KIAA0319L: variants seen among roughly 807,000 people sequenced by gnomAD.
The protein encoded by KIAA0319L is dyslexia-associated protein KIAA0319-like protein.
KIAA0319L carries 55 observed loss-of-function variants against 120.1 expected under a neutral mutation model. That is an observed-to-expected ratio of 0.46 (90% CI 0.37 to 0.57). The LOEUF is 0.57. KIAA0319L is among the 20% of genes least tolerant of loss of function. The pLI, the probability that KIAA0319L is intolerant of heterozygous loss-of-function variation, is 0.00. For synonymous variants in KIAA0319L, 398 were observed against 471.9 expected, an observed-to-expected ratio of 0.84 and a Z score of 2.03; for missense variants, 1,049 against 1,255.3, an observed-to-expected ratio of 0.84 and a Z score of 2.48.
At chr1:35,486,315 T>C (rs1284750614) in intron 3 of KIAA0319L, among the ~76,000 whole-genome samples, 4 of 135,586 alleles carry the variant, frequency 3.0e-5, no homozygotes, top group Non-Finnish European at 6.0e-5. Flanking sequence ...GCCAGGGAAG[T>C]CAAGGCTGCA....
At chr1:35,510,422 C>T (rs2148411949) in intron 2 of KIAA0319L, 1 of 148,466 alleles carries the variant, frequency 6.7e-6, no homozygotes, top group Non-Finnish European at 1.5e-5. Flanking sequence ...TCTGTCACTG[C>T]AGAGCAAGGC....
chr1:35,504,670 G>A (rs577052401), intron 3 of KIAA0319L, among the ~76,000 whole-genome samples: 1 of 152,226 alleles, frequency 6.6e-6, no homozygotes, highest in Non-Finnish European at 1.5e-5. Context: ...CTGCACAAAG[G>A]GTTGACATTC....
At chr1:35,538,462 G>A (rs564250914) in intron 2 of KIAA0319L, among the ~76,000 whole-genome samples, 6 of 151,872 alleles carry the variant, frequency 4.0e-5, no homozygotes, top group South Asian at 4.2e-4. Context: ...ATGGTGGCAC[G>A]TACCTATAGT....
intron 3 of KIAA0319L, among the ~76,000 whole-genome samples, chr1:35,489,863 C>T (rs1644528205): frequency 6.6e-6 from 1 of 151,912 alleles, no homozygotes; most frequent in East Asian, 1.9e-4. Flanking sequence ...GAAAGGGTTT[C>T]ACCATGTTGG....
chr1:35,496,409 G>A (rs1339204899), intron 3 of KIAA0319L, among the ~76,000 whole-genome samples: 2 of 152,112 alleles, frequency 1.3e-5, no homozygotes, highest in Non-Finnish European at 2.9e-5. Flanking sequence ...GACACAGTGA[G>A]ACTCCGTCTC....
At chr1:35,513,267 CATATAT>C (rs1189085625) in intron 2 of KIAA0319L, among the ~76,000 whole-genome samples, 25 of 107,446 alleles carry the variant, frequency 2.3e-4, no homozygotes, top group South Asian at 9.4e-4. Flanking sequence ...ATCTATATAA[CATATAT>C]ATATATATAT....
intron 2 of KIAA0319L, among the ~76,000 whole-genome samples, chr1:35,537,615 TAA>T (rs58080321): frequency 4.7e-4 from 48 of 102,916 alleles, no homozygotes; most frequent in Admixed American, 3.2e-3. Flanking sequence ...TAAGCGCCAT[TAA>T]AAAAAAAAAA....
intron 2 of KIAA0319L, among the ~76,000 whole-genome samples, chr1:35,544,789 A>C (rs911729368): frequency 2.0e-5 from 3 of 152,218 alleles, no homozygotes; most frequent in African/African-American, 7.2e-5. Context: ...TATCAGACTC[A>C]CCGTCCTGCC....
At chr1:35,446,108 C>T (rs974378631) in intron 16 of KIAA0319L, among the ~76,000 whole-genome samples, 1 of 152,140 alleles carries the variant, frequency 6.6e-6, no homozygotes, top group African/African-American at 2.4e-5. Flanking sequence ...ATTCTAGGTA[C>T]CCAGACCCCA....
In KIAA0319L at chr1:35,472,594, C is replaced by T. The variant is rs528618518; in HGVS notation, c.1016-1634G>A. On this transcript the variant is annotated intron_variant, in intron 5 of 20. Transcript: ENST00000325722. ...ACAGGCATGAGCCACCACGCCCAGCCGGACAGTGGTTTTGAAAATGGACCT... is the reference window on the plus strand; with the variant it reads ...ACAGGCATGAGCCACCACGCCCAGCTGGACAGTGGTTTTGAAAATGGACCT... 3.6e-3 allele frequency among the ~76,000 whole-genome samples: 540 copies of T among 151,950 alleles called. 1 individual carries two copies. The highest frequency in any genetic ancestry group is 5.6e-3 in the Non-Finnish European group (379 of 67,962).
intron 3 of KIAA0319L, among the ~76,000 whole-genome samples, chr1:35,489,223 C>CAA (rs200338514): frequency 6.7e-6 from 1 of 149,600 alleles, no homozygotes; most frequent in African/African-American, 2.5e-5. Context: ...AAAACAAAAA[C>CAA]AAAAAAAAAC....
chr1:35,441,327 A>G (rs182024688), intron 19 of KIAA0319L, among the ~76,000 whole-genome samples, 189 bp from the exon 20 acceptor site: 59 of 152,244 alleles, frequency 3.9e-4, no homozygotes, highest in Non-Finnish European at 7.2e-4. Flanking sequence ...GCAATTCTGG[A>G]GAAGGGCAAG....
At chr1:35,485,109 T>C (rs1221905529) in intron 3 of KIAA0319L, among the ~76,000 whole-genome samples, 1 of 151,972 alleles carries the variant, frequency 6.6e-6, no homozygotes, top group Non-Finnish European at 1.5e-5. Context: ...GGGTTACACC[T>C]TCCTGATTTT....
chr1:35,547,098 A>T (rs1408718722), intron 2 of KIAA0319L, among the ~76,000 whole-genome samples: 2 of 145,476 alleles, frequency 1.4e-5, no homozygotes, highest in African/African-American at 5.0e-5. Context: ...ATATATTATT[A>T]CATATATTAT....
At chr1:35,511,190 C>T (rs1645428368) in intron 2 of KIAA0319L, 1 of 154,310 alleles carries the variant, frequency 6.5e-6, no homozygotes. Flanking sequence ...GAAATAAACC[C>T]TATCAGGGCA....
chr1:35,500,979 T>C (rs1251207494), intron 3 of KIAA0319L, among the ~76,000 whole-genome samples: 4 of 152,092 alleles, frequency 2.6e-5, no homozygotes, highest in Non-Finnish European at 5.9e-5. Flanking sequence ...TCTCAATATG[T>C]AATGCCAAGC....
Position 35,453,748 on chromosome 1 carries a change from C to A in KIAA0319L, c.1781-59G>T. The A allele has an allele frequency of 6.5e-7, 1 of 1,534,640 alleles. No homozygotes were observed. Among genetic ancestry groups the A allele is most frequent in the Non-Finnish European group, 8.9e-7 (1 of 1,129,564 alleles). On this transcript the variant is annotated intron_variant, in intron 11 of 20. Coordinates refer to ENST00000325722, the MANE Select transcript of KIAA0319L (RefSeq NM_024874.5). This position sits in a 1 kb window ranked among gnomAD's most constrained non-coding sequence, Gnocchi z 4.1. ...CAGTCCAGGTGGGAAAGGAGAGGAACCAATTGGGACACATGTTCTGGAAGC... is the reference window on the plus strand; with the variant it reads ...CAGTCCAGGTGGGAAAGGAGAGGAAACAATTGGGACACATGTTCTGGAAGC...
At chr1:35,499,146 T>C (rs1044291220) in intron 3 of KIAA0319L, among the ~76,000 whole-genome samples, 4 of 152,156 alleles carry the variant, frequency 2.6e-5, no homozygotes, top group Non-Finnish European at 5.9e-5. Flanking sequence ...CAAGAGATGG[T>C]CAAGTTCTGC....
rs1435671646 is a variant in KIAA0319L, at chr1:35,474,839, T to C, written c.981A>G (p.Gln327=). ...VQITLPKNEV[Q]LNAYVLQEPP... ...GTTCTTGGAGAACATATGCATTTAATTGAACTTCATTCTTAGGCAGGGTTA... is the reference window on the plus strand; with the variant it reads ...GTTCTTGGAGAACATATGCATTTAACTGAACTTCATTCTTAGGCAGGGTTA... Residue 327 remains glutamine (Q), a synonymous_variant, in exon 5 of 21, where the codon CAA becomes CAG. Transcript: ENST00000325722. 5.0e-6 allele frequency: 8 copies of C among 1,610,120 alleles called. No individual in the cohort carries two copies. Among genetic ancestry groups the C allele is most frequent in the South Asian group, 2.2e-5 (2 of 90,942 alleles).
Sources: allele counts gnomAD v4.1 joint callset (sites outside exome capture counted in the v4.1 genomes callset), GRCh38; gene constraint gnomAD v4.1.1; non-coding constraint Gnocchi (gnomAD v3.1); transcripts MANE v1.5; gene names NCBI Gene and HGNC (gene_info 2026-07-23, HGNC 2026-07-21).